CASD1: variants seen among roughly 807,000 people sequenced by gnomAD.
The protein encoded by CASD1 is CAS1 domain sialic acid O acetyltransferase 1, also known as N-acetylneuraminate (7)9-O-acetyltransferase.
CASD1 carries 41 observed loss-of-function variants against 100.0 expected under a neutral mutation model. That is an observed-to-expected ratio of 0.41 (90% confidence interval 0.32 to 0.53). CASD1 has a LOEUF of 0.53. Ranked by LOEUF, CASD1 falls within the 20% of genes least tolerant of loss-of-function variation. CASD1 has a pLI of 0.25. For synonymous variants in CASD1, 321 were observed against 315.6 expected (o/e 1.02, Z -0.18); for missense variants, 774 against 948.7 (o/e 0.82, Z 2.42).
chr7:94,618,771 C>T, the CASD1 span: 1 of 1,613,808 alleles, frequency 6.2e-7, no homozygotes, highest in East Asian at 2.2e-5. Context: ...TCCTTCAGGT[C>T]ATTAATGGGA....
At chr7:94,566,520 CA>C in the CASD1 span, among the ~76,000 whole-genome samples, 3 of 151,642 alleles carry the variant, frequency 2.0e-5, no homozygotes, top group Non-Finnish European at 4.4e-5. Context: ...AGAACTCTTA[CA>C]ATTTTTTTTA....
At chr7:94,564,848 G>A in the CASD1 span, among the ~76,000 whole-genome samples, 1 of 152,112 alleles carries the variant, frequency 6.6e-6, no homozygotes, top group Non-Finnish European at 1.5e-5. Context: ...ACTGAAGAAA[G>A]CTTTGCAGTA....
At chr7:94,535,807 C>T (rs573867252) in intron 8 of CASD1, among the ~76,000 whole-genome samples, 2 of 152,302 alleles carry the variant, frequency 1.3e-5, no homozygotes, top group East Asian at 3.9e-4. Context: ...ATTGTCTCCT[C>T]AGAAGCATAT....
At chr7:94,555,335 T>C (rs1584441117) in intron 17 of CASD1, among the ~76,000 whole-genome samples, 157 bp from the exon 18 acceptor site, 1 of 152,244 alleles carries the variant, frequency 6.6e-6, no homozygotes, top group East Asian at 1.9e-4. Context: ...AGGAGTAGAC[T>C]GCAGTGGACT....
At chr7:94,624,862 C>G in the CASD1 span, 2 of 151,944 alleles carry the variant, frequency 1.3e-5, no homozygotes, top group Middle Eastern at 3.4e-3. Flanking sequence ...TTCATAAATT[C>G]CAATAAATGT....
the CASD1 span, among the ~76,000 whole-genome samples, chr7:94,563,046 C>T: frequency 0.079 from 12,018 of 152,140 alleles, 717 homozygotes; most frequent in East Asian, 0.23. Flanking sequence ...TTATGCTCAA[C>T]CCTATCTTAC....
At chr7:94,561,460 G>A (rs1373943376), downstream of CASD1, among the ~76,000 whole-genome samples, 4 of 152,064 alleles carry the variant, frequency 2.6e-5, no homozygotes, top group Admixed American at 1.3e-4. Context: ...TGGGAATTGC[G>A]GGGAGGGCAA....
intron 9 of CASD1, among the ~76,000 whole-genome samples, chr7:94,538,138 G>A (rs1795209302): frequency 6.6e-6 from 1 of 152,114 alleles, no homozygotes; most frequent in Non-Finnish European, 1.5e-5. Context: ...CTGTGAAAAA[G>A]ATTTCATGAC....
chr7:94,530,026 C>A (rs776589199), intron 5 of CASD1, among the ~76,000 whole-genome samples: 2 of 152,058 alleles, frequency 1.3e-5, no homozygotes, highest in Non-Finnish European at 2.9e-5. Context: ...ACTGTTGATA[C>A]ACTGGTTAAC....
intron 5 of CASD1, among the ~76,000 whole-genome samples, chr7:94,530,656 G>T (rs915726650): frequency 1.3e-5 from 2 of 152,144 alleles, no homozygotes; most frequent in Non-Finnish European, 2.9e-5. Context: ...ATGTAATTCT[G>T]TAAGTGAATG....
the CASD1 span, among the ~76,000 whole-genome samples, chr7:94,574,692 C>T: frequency 9.2e-5 from 14 of 151,676 alleles, no homozygotes; most frequent in Admixed American, 6.6e-5. Context: ...ATTCCTGAGC[C>T]GGGTGTGGTG....
chr7:94,598,855 G>A, the CASD1 span: 6 of 1,612,132 alleles, frequency 3.7e-6, no homozygotes, highest in Middle Eastern at 1.6e-4. Context: ...CAGTCACAGG[G>A]TGGAACACAG....
At chr7:94,558,518 A>G (rs1252774615), downstream of CASD1, among the ~76,000 whole-genome samples, 2 of 152,198 alleles carry the variant, frequency 1.3e-5, no homozygotes, top group African/African-American at 4.8e-5. Flanking sequence ...ATAAAGATTG[A>G]CAATTTTGGT....
intron 4 of CASD1, 143 bp from the exon 5 acceptor site, chr7:94,528,045 A>G (rs1234475694): frequency 4.8e-6 from 3 of 626,258 alleles, no homozygotes; most frequent in African/African-American, 1.9e-5. Context: ...ACTCTTGCCA[A>G]ATTAAGATAG....
At chr7:94,512,267 T>A (rs1793748642) in intron 1 of CASD1, among the ~76,000 whole-genome samples, 1 of 152,142 alleles carries the variant, frequency 6.6e-6, no homozygotes, top group Non-Finnish European at 1.5e-5. Flanking sequence ...TAAAAAAAAT[T>A]GCAAAAAATC....
the CASD1 span, among the ~76,000 whole-genome samples, chr7:94,573,511 T>G: frequency 1.3e-5 from 2 of 152,244 alleles, no homozygotes; most frequent in Non-Finnish European, 2.9e-5. Context: ...ATTGCCTTTC[T>G]GATTTGGCTC....
chr7:94,625,687 G>A, the CASD1 span: 1 of 151,930 alleles, frequency 6.6e-6, no homozygotes, highest in African/African-American at 2.4e-5. Flanking sequence ...TGAACATTGT[G>A]TTTAAAACAC....
At chr7:94,623,313 T>A in the CASD1 span, 2 of 1,507,866 alleles carry the variant, frequency 1.3e-6, no homozygotes, top group Admixed American at 3.4e-5. Flanking sequence ...ATCAACATAT[T>A]TTCATACCTA....
chr7:94,526,426 G>A (rs918936199), intron 3 of CASD1, among the ~76,000 whole-genome samples: 2 of 152,214 alleles, frequency 1.3e-5, no homozygotes, highest in Non-Finnish European at 2.9e-5. Flanking sequence ...GCCAGAACTA[G>A]CCATGTGGCT....
Sources: gnomAD v4.1 joint callset for allele counts (sites outside exome capture counted in the v4.1 genomes callset) on GRCh38, gnomAD v4.1.1 for gene constraint, MANE v1.5 for transcripts, NCBI Gene and HGNC (gene_info 2026-07-23, HGNC 2026-07-21) for gene names.